Variants in MUC5AC observed in about 807,000 individuals in gnomAD.
The protein encoded by MUC5AC is mucin 5AC, oligomeric mucus/gel-forming.
A neutral mutation model predicts 169.7 loss-of-function variants in MUC5AC; 158 were observed. The ratio of observed to expected loss-of-function variants is 0.93; its 90% CI spans 0.82 to 1.06. The LOEUF (loss-of-function observed/expected upper bound fraction) is 1.06, where lower values mean the gene tolerates loss of function less well. Among genes scored for constraint, MUC5AC ranks in the 50% least tolerant of loss-of-function variants. The pLI is 0.00. For missense variants in MUC5AC, 4,359 were observed against 3,089.9 expected, an observed-to-expected ratio of 1.41 and a Z score of -9.74; for synonymous variants, 1,975 against 1,237.0, an observed-to-expected ratio of 1.60 and a Z score of -12.52.
intron 25 of MUC5AC, 27 bp downstream of exon 25, chr11:1,178,710 G>A (rs118201411): frequency 6.0e-4 from 701 of 1,160,128 alleles, no homozygotes; most frequent in Non-Finnish European, 7.0e-4. Context: ...GCGTTTCTCT[G>A]GGCCCAAGGG....
Position 1,164,389 on chromosome 11 carries a change from T to A in MUC5AC, c.1004-18T>A. 6.2e-7 allele frequency: 1 copy of A among 1,611,860 alleles called. No individual in the cohort carries two copies. The highest frequency in any genetic ancestry group is 8.5e-7 in the Non-Finnish European group (1 of 1,179,536). ...GGCAGGGGCAGGCAGACGTGAGCCC[T>A]CTCTCTGCCTCCCGCAGCCCAGAAG... On this transcript the variant is annotated intron_variant, in intron 8 of 48. Transcript: ENST00000621226.
intron 9 of MUC5AC, 131 bp downstream of exon 9, chr11:1,164,663 G>A: frequency 1.5e-6 from 2 of 1,325,252 alleles, no homozygotes; most frequent in Non-Finnish European, 2.0e-6. Context: ...TGAGGCCCCT[G>A]TCCTGGGCCG....
chr11:1,193,584 C>A lies in MUC5AC; in HGVS notation c.14680C>A (p.Pro4894Thr). Residue 4894 changes from proline to threonine, a missense_variant, in exon 33 of 49, where the codon CCC (proline) becomes ACC (threonine). Coordinates refer to ENST00000621226, the MANE Select transcript of MUC5AC (RefSeq NM_001304359.2). ...GCGCACGTGCCCGAGGGTGGAGAAG[C>A]CCACTTGTGCCAACGGCTACCCGGC... ...RPRTCPRVEK[P>T]TCANGYPAVK... 1 of 764,994 alleles carries A rather than the reference C, an allele frequency of 1.3e-6. No homozygotes were observed. Among genetic ancestry groups the A allele is most frequent in the Admixed American group, 1.7e-5 (1 of 59,020 alleles). The allele number at this position is 764,994 out of a possible 1,614,324, so 47.4% of individuals were successfully genotyped here. A position where few individuals can be genotyped will look rare whatever the true frequency, so the allele number is the denominator to read the frequency against.
intron 15 of MUC5AC, among the ~76,000 whole-genome samples, chr11:1,170,377 C>A (rs1860468560): frequency 7.4e-6 from 1 of 134,958 alleles, no homozygotes; most frequent in Non-Finnish European, 1.6e-5. Flanking sequence ...ACTCACGCGC[C>A]CACTCACCCA....
In MUC5AC at chr11:1,165,382, G is replaced by C. The variant is rs1436796250; in HGVS notation, c.1210G>C (p.Ala404Pro). ...CACVYNGAAY[A>P]PGATYSTDCT... ...CTGCGTCTACAACGGGGCTGCCTAT[G>C]CCCCAGGGGCCACCTACTCCACAGA... Residue 404 changes from alanine to proline, a missense_variant, in exon 10 of 49, where the codon GCC becomes CCC. Ala to Pro is a conservative substitution (Grantham distance 27, BLOSUM62 -1). Coordinates refer to ENST00000621226, the MANE Select transcript of MUC5AC (RefSeq NM_001304359.2). 1 of 1,612,326 alleles carries C rather than the reference G, an allele frequency of 6.2e-7. No individual in the cohort carries two copies. The highest frequency in any genetic ancestry group is 8.5e-7 in the Non-Finnish European group (1 of 1,179,724).
chr11:1,169,824 A>G (rs1309718787), intron 15 of MUC5AC, among the ~76,000 whole-genome samples: 7 of 133,062 alleles, frequency 5.3e-5, no homozygotes, highest in African/African-American at 1.8e-4. Context: ...CCACTCACCC[A>G]TTCACCCACT....
At position 1,191,515 on chromosome 11, in the gene MUC5AC, C is replaced by G; in HGVS notation, c.13370C>G (p.Thr4457Arg). The stretch of plus-strand genomic sequence containing the variant: ...ACAACCTCTGCTTCTACAACCAGCA[C>G]AATCTCTCTCCCTACAACCAGCACA... Reference protein sequence around the residue: ...TSTTSASTTSTISLPTTSTTS... With the variant: ...TSTTSASTTSRISLPTTSTTS... The change falls in exon 31 of 49, where the codon ACA becomes AGA. Residue 4457 changes from threonine to arginine, a missense_variant. Thr to Arg is a moderately conservative substitution (Grantham distance 71). Coordinates refer to ENST00000621226, the MANE Select transcript of MUC5AC (RefSeq NM_001304359.2). 1.5e-6 allele frequency: 1 copy of G among 645,928 alleles called. No individual in the cohort carries two copies. The highest frequency in any genetic ancestry group is 2.8e-6 in the Non-Finnish European group (1 of 352,844). 40.0% of individuals were successfully genotyped at this position (645,928 alleles called of 1,614,324 possible).
Position 1,172,470 on chromosome 11 carries a change from G to A in MUC5AC, c.1912G>A (p.Asp638Asn), listed in dbSNP as rs1860571611. The A allele has an allele frequency of 1.8e-5, 7 of 398,658 alleles. No homozygotes were observed. The highest frequency in any genetic ancestry group is 2.5e-4 in the South Asian group (2 of 7,860). 24.7% of individuals were successfully genotyped at this position (398,658 alleles called of 1,614,324 possible). The change falls in exon 16 of 49, where the codon GAC becomes AAC. Residue 638 changes from aspartate (D) to asparagine (N), a missense_variant. Physicochemically the swap from Asp to Asn is conservative, Grantham distance 23. Coordinates refer to ENST00000621226, the MANE Select transcript of MUC5AC (RefSeq NM_001304359.2). ...QHWCSQLTDA[D>N]GPFGRCHAAV... ...CTGGTGCTCGCAGCTGACCGATGCC[G>A]ACGGCCCCTTCGGCCGGTGCCATGC...
At chr11:1,198,463 G>A (rs1861340596) in intron 43 of MUC5AC, among the ~76,000 whole-genome samples, 158 bp downstream of exon 43, 2 of 152,164 alleles carry the variant, frequency 1.3e-5, no homozygotes, top group East Asian at 1.9e-4. Context: ...GCTGAGGCCC[G>A]AGGTCGGCCC....
chr11:1,186,972 G>C lies in MUC5AC; in HGVS notation c.8827G>C (p.Val2943Leu). The change falls in exon 31 of 49, where the codon GTT becomes CTT. Residue 2943 changes from valine to leucine, a missense_variant. Coordinates refer to ENST00000621226, the MANE Select transcript of MUC5AC (RefSeq NM_001304359.2). ...TGTTCCTACAACCAGCACAACTTCTGTTCCTGGAACTACTCCCAGCCCTGT... is the reference window on the plus strand; with the variant it reads ...TGTTCCTACAACCAGCACAACTTCTCTTCCTGGAACTACTCCCAGCCCTGT... ...ISVPTTSTTS[V>L]PGTTPSPVPT... is the part of the protein sequence containing the mutation. 2.7e-6 allele frequency: 2 copies of C among 739,416 alleles called. No individual in the cohort carries two copies. Among genetic ancestry groups the C allele is most frequent in the Admixed American group, 3.7e-5 (2 of 54,746 alleles). 45.8% of individuals were successfully genotyped at this position (739,416 alleles called of 1,614,324 possible).
intron 3 of MUC5AC, 55 bp from the exon 4 acceptor site, chr11:1,161,852 G>T: frequency 1.3e-6 from 2 of 1,567,416 alleles, no homozygotes; most frequent in Non-Finnish European, 1.7e-6. Context: ...GAGGCAGGGG[G>T]TGCAGGGCGA....
intron 42 of MUC5AC, 108 bp from the exon 43 acceptor site, chr11:1,198,160 G>T (rs1861332306): frequency 4.3e-6 from 3 of 698,044 alleles, no homozygotes; most frequent in East Asian, 2.7e-5. Flanking sequence ...ACAAACCCCA[G>T]TGGCGAGCCC....
chr11:1,192,269 G>A lies in MUC5AC; in HGVS notation c.14124G>A (p.Gln4708=), dbSNP rs1275698892. Residue 4708 remains glutamine, a synonymous_variant, in exon 31 of 49, where the codon CAG becomes CAA. Transcript: ENST00000621226. ...GCCTGGTGTGCCGGAACCAGGACCA[G>A]CAGGGACCCTTCAAGATGTGCCTCA... is the stretch of plus-strand genomic sequence containing the variant. ...EEGLVCRNQD[Q]QGPFKMCLNY... 1.3e-6 allele frequency: 1 copy of A among 765,128 alleles called. No homozygotes were observed. The highest frequency in any genetic ancestry group is 2.4e-6 in the Non-Finnish European group (1 of 417,906). 47.4% of individuals were successfully genotyped at this position (765,128 alleles called of 1,614,324 possible).
At position 1,180,138 on chromosome 11, in the gene MUC5AC, C is replaced by T. The variant is rs878913005; in HGVS notation, c.3601C>T (p.Arg1201Trp). 60,558 of 395,884 alleles carry T rather than the reference C, an allele frequency of 0.15. 5,408 individuals are homozygous for T. The highest frequency in any genetic ancestry group is 0.19 in the Non-Finnish European group (41,840 of 225,546). The allele number at this position is 395,884 out of a possible 1,614,324, so 24.5% of individuals were successfully genotyped here. The change falls in exon 27 of 49, where the codon CGG (arginine) becomes TGG (tryptophan). Residue 1201 changes from arginine (R) to tryptophan (W), a missense_variant. Coordinates refer to ENST00000621226, the MANE Select transcript of MUC5AC (RefSeq NM_001304359.2). The part of the protein sequence containing the change: ...NPRGDCLRDV[R>W]GLEGCYPKCP... The stretch of plus-strand genomic sequence containing the variant: ...CCGTGGAGACTGCCTGCGGGACGTC[C>T]GGGGCCTGGAAGGTGGGCTGGGGCC...
chr11:1,195,214 G>A lies in MUC5AC; in HGVS notation c.15393G>A (p.Thr5131=), dbSNP rs28415193. The change falls in exon 36 of 49, where the codon ACG becomes ACA. Residue 5131 remains threonine (T), a synonymous_variant. Transcript: ENST00000621226. Reference sequence around the variant, plus strand: ...GGCCCACCACAGTTGGGTCTACCACGGTCGGGCCCACCACACCGCCTGCTC... The same window carrying A: ...GGCCCACCACAGTTGGGTCTACCACAGTCGGGCCCACCACACCGCCTGCTC... ...TVGPTTVGST[T]VGPTTPPAPC... The A allele has an allele frequency of 1.7e-5, 13 of 760,522 alleles. No individual in the cohort carries two copies. The East Asian group carries it at 2.2e-4, about 13-fold the overall frequency. 47.1% of individuals were successfully genotyped at this position (760,522 alleles called of 1,614,324 possible).
chr11:1,168,375 C>A, intron 12 of MUC5AC, 108 bp from the exon 13 acceptor site: 3 of 1,071,380 alleles, frequency 2.8e-6, no homozygotes, highest in Admixed American at 2.0e-5. Flanking sequence ...GGAGCCGCAG[C>A]TGCAGGGAAA....
intron 19 of MUC5AC, among the ~76,000 whole-genome samples, chr11:1,175,652 C>T (rs1325906490): frequency 7.0e-6 from 1 of 142,658 alleles, no homozygotes. Flanking sequence ...ACTCACACAC[C>T]CACTCATACA....
rs372155939 is a variant in MUC5AC, at chr11:1,194,382, C to T, written c.15006+22C>T. 360 of 709,742 alleles carry T rather than the reference C, an allele frequency of 5.1e-4. No homozygotes were observed. In the African/African-American group the frequency reaches 5.3e-3, roughly 10 times the overall value. The allele number at this position is 709,742 out of a possible 1,614,324, so 44.0% of individuals were successfully genotyped here. A position where few individuals can be genotyped will look rare whatever the true frequency, so the allele number is the denominator to read the frequency against. ...CGAGGTGGGGGCGCGCCCGGTGTGCCGCGGAGGGGGTGGGGGACGCGGCTT... is the reference window on the plus strand; with the variant it reads ...CGAGGTGGGGGCGCGCCCGGTGTGCTGCGGAGGGGGTGGGGGACGCGGCTT... On this transcript the variant is annotated intron_variant, in intron 34 of 48. Transcript: ENST00000621226.
At chr11:1,168,325 G>A (rs1201186539) in intron 12 of MUC5AC, among the ~76,000 whole-genome samples, 158 bp from the exon 13 acceptor site, 2 of 152,138 alleles carry the variant, frequency 1.3e-5, no homozygotes, top group African/African-American at 4.8e-5. Context: ...GGTCCTCGCA[G>A]AAAATTCAGA....
Sources: gnomAD v4.1 joint callset for allele counts (sites outside exome capture counted in the v4.1 genomes callset) on GRCh38, gnomAD v4.1.1 for gene constraint, MANE v1.5 for transcripts, NCBI Gene and HGNC (gene_info 2026-07-23, HGNC 2026-07-21) for gene names.